Variants in VAC14 observed in about 807,000 individuals in gnomAD.
VAC14 encodes the protein protein VAC14 homolog.
Under a neutral mutation model 85.3 loss-of-function variants are expected in VAC14, and 47 were observed. The ratio of observed to expected loss-of-function variants is 0.55; its 90% CI spans 0.44 to 0.70. VAC14 has a LOEUF of 0.70. Ranked by LOEUF, VAC14 falls within the 30% of genes least tolerant of loss-of-function variation. The pLI, the probability that VAC14 is intolerant of heterozygous loss-of-function variation, is 0.00. For missense variants in VAC14, 861 were observed against 1,004.3 expected (o/e 0.86, Z 1.93); for synonymous variants, 447 against 430.5 (o/e 1.04, Z -0.47).
chr16:70,750,637 A>G (rs1282840127), intron 12 of VAC14, among the ~76,000 whole-genome samples: 2 of 152,248 alleles, frequency 1.3e-5, no homozygotes, highest in African/African-American at 4.8e-5. Context: ...TTACACCAGC[A>G]AAGGGCATAT....
rs752049681 is a variant in VAC14 at position 70,762,837 on chromosome 16, C to T, written c.1305+44G>A. 32 of 1,612,400 alleles carry T rather than the reference C, an allele frequency of 2.0e-5. No homozygotes were observed. The highest frequency in any genetic ancestry group is 1.6e-4 in the Middle Eastern group (1 of 6,076). ...ATGGGCAGGCCCTGGAAAACCAAGG[C>T]GGACCCAGAAGAGGCCCCTGGCTTG... is the stretch of plus-strand genomic sequence containing the variant. On this transcript the variant is annotated intron_variant, in intron 11 of 18. Transcript: ENST00000261776. The surrounding 1 kb of genome is among the most constrained non-coding windows in gnomAD (Gnocchi z 4.1).
intron 14 of VAC14, among the ~76,000 whole-genome samples, chr16:70,707,892 G>C (rs971162738): frequency 1.3e-5 from 2 of 151,808 alleles, no homozygotes; most frequent in Non-Finnish European, 2.9e-5. Flanking sequence ...CTGGGTTCAA[G>C]TGATTCTCCT....
In VAC14 at chr16:70,762,724, C is replaced by T. The variant is rs754013256; in HGVS notation, c.1306-119G>A. On this transcript the variant is annotated intron_variant, in intron 11 of 18. Coordinates refer to ENST00000261776, the MANE Select transcript of VAC14 (RefSeq NM_018052.5). This position sits in a 1 kb window ranked among gnomAD's most constrained non-coding sequence, Gnocchi z 4.1. ...GGTCTGCACGGACCACTTCCCTCCC[C>T]GACACAATGAGGGCTCCTCGCAGCA... 21 of 1,485,316 alleles carry T rather than the reference C, an allele frequency of 1.4e-5. No homozygotes were observed. Among genetic ancestry groups the T allele is most frequent in the South Asian group, 4.8e-5 (4 of 83,812 alleles). The allele number at this position is 1,485,316 out of a possible 1,614,324, so 92.0% of individuals were successfully genotyped here.
chr16:70,760,075 A>G (rs765093704), intron 12 of VAC14, among the ~76,000 whole-genome samples: 4 of 152,192 alleles, frequency 2.6e-5, no homozygotes, highest in Admixed American at 1.3e-4. Context: ...ACAGTTAAGA[A>G]TCTTCCACGA....
intron 17 of VAC14, among the ~76,000 whole-genome samples, chr16:70,694,822 A>C (rs139538552): frequency 3.7e-4 from 57 of 152,352 alleles, no homozygotes; most frequent in Non-Finnish European, 8.1e-4. Context: ...CTCCCAGCAA[A>C]TGCCAACTCT....
At chr16:70,711,178 C>T (rs1250821331) in intron 14 of VAC14, among the ~76,000 whole-genome samples, 2 of 152,240 alleles carry the variant, frequency 1.3e-5, no homozygotes, top group African/African-American at 4.8e-5. Flanking sequence ...ATGCATGGAC[C>T]ACGTGCGGGC....
At chr16:70,734,763 TCTAA>T (rs2054698055) in intron 13 of VAC14, among the ~76,000 whole-genome samples, 1 of 151,168 alleles carries the variant, frequency 6.6e-6, no homozygotes, top group South Asian at 2.1e-4. Context: ...ACACATAGTA[TCTAA>T]CACCCTAAAA....
At chr16:70,690,189 G>T (rs997057576) in intron 18 of VAC14, 1 of 985,506 alleles carries the variant, frequency 1.0e-6, no homozygotes, top group South Asian at 4.7e-5. Context: ...AGGGTGGCAA[G>T]AAGTCCTGCT....
intron 14 of VAC14, among the ~76,000 whole-genome samples, chr16:70,711,009 T>C (rs565728603): frequency 6.6e-6 from 1 of 152,160 alleles, no homozygotes; most frequent in African/African-American, 2.4e-5. Flanking sequence ...CTGGGCGCCA[T>C]GCGCATGGCT....
chr16:70,759,387 G>GGCTGGC (rs1348722841), intron 12 of VAC14, among the ~76,000 whole-genome samples: 1 of 152,206 alleles, frequency 6.6e-6, no homozygotes, highest in Non-Finnish European at 1.5e-5. Flanking sequence ...AGCACTTCGG[G>GGCTGGC]AGGCCAAGGC....
At chr16:70,774,549 T>C (rs2033416244) in intron 9 of VAC14, among the ~76,000 whole-genome samples, 1 of 152,192 alleles carries the variant, frequency 6.6e-6, no homozygotes, top group South Asian at 2.1e-4. Context: ...TACTTAAGAT[T>C]GGAAAAATAT....
chr16:70,721,655 C>T (rs530747513), intron 14 of VAC14, among the ~76,000 whole-genome samples: 114 of 152,182 alleles, frequency 7.5e-4, no homozygotes, highest in African/African-American at 5.8e-4. Context: ...GATCAGGAGA[C>T]GTGGCTCTCG....
rs372860764 is a variant in VAC14, at chr16:70,753,011, G to GGTGTGT, written c.1372-8438_1372-8433dup. ...CCAGCCTTGATGTGCAGGAGGAGGGGGTGTGTGTGTGTGTGTGTGTGTGTG... is the reference window on the plus strand; with the variant it reads ...CCAGCCTTGATGTGCAGGAGGAGGGGGTGTGTGTGTGTGTGTGTGTGTGTGTGTGTG... On this transcript the variant is annotated intron_variant, in intron 12 of 18. Coordinates refer to ENST00000261776, the MANE Select transcript of VAC14 (RefSeq NM_018052.5). Among the ~76,000 whole-genome samples the GGTGTGT allele has an allele frequency of 2.1e-3, 302 of 143,054 alleles. 1 individual carries two copies. Among genetic ancestry groups the GGTGTGT allele is most frequent in the African/African-American group, 3.4e-3 (130 of 38,258 alleles). 93.8% of individuals were successfully genotyped at this position (143,054 alleles called of 152,430 possible). A position where few individuals can be genotyped will look rare whatever the true frequency, so the allele number is the denominator to read the frequency against.
chr16:70,762,898 T>C lies in VAC14; in HGVS notation c.1288A>G (p.Ile430Val). 2 of 1,614,162 alleles carry C rather than the reference T, an allele frequency of 1.2e-6. No individual in the cohort carries two copies. Among genetic ancestry groups the C allele is most frequent in the Non-Finnish European group, 1.7e-6 (2 of 1,180,024 alleles). ...GGGCTCACCTTCCGAGGAGTTTTGATGTAGAGGTGGTAGAGCCACTTGAGA... is the reference window on the plus strand; with the variant it reads ...GGGCTCACCTTCCGAGGAGTTTTGACGTAGAGGTGGTAGAGCCACTTGAGA... ...AVLKWLYHLY[I>V]KTPRKMFRHT... Residue 430 changes from isoleucine (I) to valine (V), a missense_variant, in exon 11 of 19, where the codon ATC (isoleucine) becomes GTC (valine). Around this residue, in one of 3 missense-constraint regions of VAC14, gnomAD observed 629 missense variants for 703.1 expected, o/e 0.89. Transcript: ENST00000261776. This position sits in a 1 kb window ranked among gnomAD's most constrained non-coding sequence, Gnocchi z 4.1.
intron 15 of VAC14, 34 bp from the exon 16 acceptor site, chr16:70,697,291 G>T (rs747648876): frequency 2.5e-6 from 4 of 1,575,210 alleles, no homozygotes; most frequent in Middle Eastern, 1.8e-4. Context: ...GTGAGGACAC[G>T]CCTGCTCCTT....
chr16:70,703,103 C>T (rs2053860025), intron 14 of VAC14, among the ~76,000 whole-genome samples: 1 of 152,226 alleles, frequency 6.6e-6, no homozygotes, highest in South Asian at 2.1e-4. Flanking sequence ...CCCTGCCCGG[C>T]GGAGGCCTGG....
chr16:70,777,518 C>T (rs2033581906), intron 9 of VAC14, among the ~76,000 whole-genome samples: 1 of 152,188 alleles, frequency 6.6e-6, no homozygotes, highest in Non-Finnish European at 1.5e-5. Context: ...CAGGTCACGT[C>T]CTGGAGGGGA....
chr16:70,776,927 C>T (rs529958729), intron 9 of VAC14, among the ~76,000 whole-genome samples: 6 of 152,006 alleles, frequency 3.9e-5, no homozygotes, highest in African/African-American at 1.4e-4. Context: ...CCTGCCTCAG[C>T]CTCCCAAGTA....
At chr16:70,737,301 C>T (rs1005327240) in intron 13 of VAC14, among the ~76,000 whole-genome samples, 62 of 152,302 alleles carry the variant, frequency 4.1e-4, no homozygotes, top group Non-Finnish European at 6.5e-4. Context: ...CACTGCGCTC[C>T]GAGGACCTCA....
Sources: allele counts gnomAD v4.1 joint callset (sites outside exome capture counted in the v4.1 genomes callset), GRCh38; gene constraint gnomAD v4.1.1; regional missense constraint gnomAD v4.1.1; non-coding constraint Gnocchi (gnomAD v3.1); transcripts MANE v1.5; gene names NCBI Gene and HGNC (gene_info 2026-07-23, HGNC 2026-07-21).